PKIG: variants seen among roughly 807,000 people sequenced by gnomAD.
The protein encoded by PKIG is protein kinase (cAMP-dependent, catalytic) inhibitor gamma.
In PKIG, 1 loss-of-function variant was observed where a neutral mutation model predicts 6.8. That is an observed-to-expected ratio of 0.15 (90% confidence interval 0.05 to 0.69). PKIG has a LOEUF of 0.69. Ranked by LOEUF, PKIG falls within the 30% of genes least tolerant of loss-of-function variation. The pLI, the probability that PKIG is intolerant of heterozygous loss-of-function variation, is 0.82. For missense variants in PKIG, 77 were observed against 104.0 expected (o/e 0.74, Z 1.13); for synonymous variants, 39 against 43.0 (o/e 0.91, Z 0.36).
intron 1 of PKIG, among the ~76,000 whole-genome samples, chr20:44,573,551 G>A (rs1470003022): frequency 6.6e-6 from 1 of 152,204 alleles, no homozygotes; most frequent in African/African-American, 2.4e-5. Context: ...TTATGTAAAG[G>A]TACTTTCTGG....
intron 2 of PKIG, among the ~76,000 whole-genome samples, chr20:44,591,518 T>G (rs2065033348): frequency 6.7e-6 from 1 of 149,372 alleles, no homozygotes; most frequent in African/African-American, 2.5e-5. Flanking sequence ...GCGCCTGTGC[T>G]CCTCCTTCCC....
At chr20:44,597,724 G>A (rs1278689017) in intron 2 of PKIG, among the ~76,000 whole-genome samples, 1 of 152,100 alleles carries the variant, frequency 6.6e-6, no homozygotes, top group Non-Finnish European at 1.5e-5. Context: ...TGCTGCGGAT[G>A]TATGATCTAA....
intron 2 of PKIG, among the ~76,000 whole-genome samples, chr20:44,606,436 A>G (rs1344869107): frequency 6.6e-6 from 1 of 152,190 alleles, no homozygotes; most frequent in African/African-American, 2.4e-5. Context: ...CAATGTGATA[A>G]TATTAAGAGG....
chr20:44,549,464 C>G (rs574598127), intron 1 of PKIG, among the ~76,000 whole-genome samples: 2 of 152,098 alleles, frequency 1.3e-5, no homozygotes, highest in African/African-American at 2.4e-5. Context: ...CAAAAGCTCC[C>G]GCACAAATCA....
intron 1 of PKIG, among the ~76,000 whole-genome samples, chr20:44,561,309 C>A (rs1485824569): frequency 6.6e-6 from 1 of 152,114 alleles, no homozygotes; most frequent in African/African-American, 2.4e-5. Context: ...TGTATTCCAG[C>A]CTGGGTGACA....
chr20:44,609,381 C>T (rs2065193470), intron 2 of PKIG, among the ~76,000 whole-genome samples: 2 of 152,210 alleles, frequency 1.3e-5, no homozygotes, highest in Non-Finnish European at 2.9e-5. Flanking sequence ...CCTGTAATTC[C>T]ATCCCATGGT....
At chr20:44,540,678 A>G (rs1395831822) in intron 1 of PKIG, among the ~76,000 whole-genome samples, 1 of 152,014 alleles carries the variant, frequency 6.6e-6, no homozygotes, top group Non-Finnish European at 1.5e-5. Context: ...TCCTGGGTTC[A>G]AAGATTCTCC....
At chr20:44,618,222 C>A (rs1600911071) in intron 3 of PKIG, 63 bp from the exon 4 acceptor site, 6 of 1,096,264 alleles carry the variant, frequency 5.5e-6, no homozygotes, top group Non-Finnish European at 8.5e-6. Context: ...CCCTTTCACA[C>A]CTCCTTCTGT....
chr20:44,581,390 C>T (rs1181402273), upstream of PKIG, among the ~76,000 whole-genome samples: 2 of 152,168 alleles, frequency 1.3e-5, no homozygotes, highest in Non-Finnish European at 2.9e-5. Context: ...GCACTAGTAT[C>T]CCACTTGACA....
At chr20:44,600,603 T>C (rs2065112988) in intron 2 of PKIG, among the ~76,000 whole-genome samples, 2 of 151,868 alleles carry the variant, frequency 1.3e-5, no homozygotes, top group Non-Finnish European at 2.9e-5. Context: ...CCCAGCTCTT[T>C]GGGAGGCCAA....
At chr20:44,585,809 G>T (rs1458049399) in intron 1 of PKIG, among the ~76,000 whole-genome samples, 1 of 152,210 alleles carries the variant, frequency 6.6e-6, no homozygotes, top group Non-Finnish European at 1.5e-5. Flanking sequence ...CTGGCCCCTG[G>T]CCCCTGTGGG....
intron 1 of PKIG, among the ~76,000 whole-genome samples, chr20:44,587,488 G>A (rs1379261111): frequency 6.6e-6 from 1 of 152,022 alleles, no homozygotes; most frequent in African/African-American, 2.4e-5. Context: ...CACCTGAGAG[G>A]GCCCTGAATC....
chr20:44,536,983 G>A (rs977526035), intron 1 of PKIG, among the ~76,000 whole-genome samples: 1 of 152,188 alleles, frequency 6.6e-6, no homozygotes, highest in Non-Finnish European at 1.5e-5. Flanking sequence ...AGGCTGGAGT[G>A]CAATGGCACC....
chr20:44,608,347 T>TA (rs1458954046), intron 2 of PKIG, among the ~76,000 whole-genome samples: 1 of 152,270 alleles, frequency 6.6e-6, no homozygotes, highest in Non-Finnish European at 1.5e-5. Flanking sequence ...GCCATTTCTT[T>TA]AAAAAATATT....
chr20:44,549,987 A>G (rs901808999), intron 1 of PKIG, among the ~76,000 whole-genome samples: 20 of 152,004 alleles, frequency 1.3e-4, no homozygotes, highest in Non-Finnish European at 2.6e-4. Flanking sequence ...TTAATCATTT[A>G]AAAATGGAAT....
At chr20:44,569,069 C>T (rs1029633776) in intron 1 of PKIG, among the ~76,000 whole-genome samples, 3 of 152,170 alleles carry the variant, frequency 2.0e-5, no homozygotes, top group African/African-American at 7.2e-5. Context: ...TGAAACTGCA[C>T]AGCAAGTACA....
In PKIG at chr20:44,614,611, C is replaced by T. The variant is rs1192363676; in HGVS notation, c.55C>T (p.Arg19Cys). 3 of 1,613,898 alleles carry T rather than the reference C, an allele frequency of 1.9e-6. No homozygotes were observed. Among genetic ancestry groups the T allele is most frequent in the African/African-American group, 1.3e-5 (1 of 74,882 alleles). ...SDFISCDRTG[R>C]RNAVPDIQGD... ...CTTCATCTCCTGTGACCGGACAGGC[C>T]GTCGGAATGCGGTCCCTGACATCCA... Residue 19 changes from arginine to cysteine, a missense_variant, in exon 3 of 4, where the codon CGT (arginine) becomes TGT (cysteine). Arg to Cys is a radical substitution (Grantham distance 180, BLOSUM62 -3). Coordinates refer to ENST00000372886, the MANE Select transcript of PKIG (RefSeq NM_001281445.2). This position sits in a 1 kb window ranked among gnomAD's most constrained non-coding sequence, Gnocchi z 4.6.
At chr20:44,532,984 T>A (rs928220566) in intron 1 of PKIG, among the ~76,000 whole-genome samples, 1 of 152,078 alleles carries the variant, frequency 6.6e-6, no homozygotes, top group Non-Finnish European at 1.5e-5. Context: ...AGACTGTAAG[T>A]GTGGAGGAGT....
Position 44,560,737 on chromosome 20 carries a change from C to T in PKIG, c.-240-21848C>T, listed in dbSNP as rs995945655. On this transcript the variant is annotated intron_variant, in intron 1 of 4. Transcript: ENST00000372887. ...AGCTTCTAGGTGTAGGGAATGTAGACCAAGATCTTTCATCATTATGGTTCT... is the reference window on the plus strand; with the variant it reads ...AGCTTCTAGGTGTAGGGAATGTAGATCAAGATCTTTCATCATTATGGTTCT... Among the ~76,000 whole-genome samples, 7 of 152,264 alleles carry T rather than the reference C, an allele frequency of 4.6e-5. No homozygotes were observed. The East Asian group carries it at 1.4e-3, about 29-fold the overall frequency.
Sources: allele counts gnomAD v4.1 joint callset (sites outside exome capture counted in the v4.1 genomes callset), GRCh38; gene constraint gnomAD v4.1.1; non-coding constraint Gnocchi (gnomAD v3.1); transcripts MANE v1.5; gene names NCBI Gene and HGNC (gene_info 2026-07-23, HGNC 2026-07-21).